USP4: variants seen among roughly 807,000 people sequenced by gnomAD.
USP4 encodes the protein ubiquitin carboxyl-terminal hydrolase 4.
USP4 carries 72 observed loss-of-function variants against 118.2 expected under a neutral mutation model. The observed-to-expected ratio is 0.61, with a 90% confidence interval of 0.50 to 0.74. The LOEUF is 0.74. Ranked by LOEUF, USP4 falls within the 30% of genes least tolerant of loss-of-function variation. The probability of loss-of-function intolerance (pLI) is 0.00; values close to 1 mark genes in which losing one functional copy is unlikely to be tolerated. For missense variants in USP4, 1,037 were observed against 1,185.7 expected (o/e 0.87, Z 1.84); for synonymous variants, 415 against 440.4 (o/e 0.94, Z 0.72).
At chr3:49,339,753 G>A (rs1265522321) in intron 1 of USP4, among the ~76,000 whole-genome samples, 171 bp downstream of exon 1, 2 of 152,120 alleles carry the variant, frequency 1.3e-5, no homozygotes, top group Non-Finnish European at 2.9e-5. Flanking sequence ...CCCCGCCTGC[G>A]CTTTCCCAGA....
intron 20 of USP4, among the ~76,000 whole-genome samples, chr3:49,280,516 C>T (rs72940877): frequency 0.031 from 4,651 of 148,008 alleles, 237 homozygotes; most frequent in African/African-American, 0.11. Flanking sequence ...AGTGAGATTG[C>T]GCCACTGTGT....
chr3:49,313,035 C>T (rs1000557358), intron 6 of USP4, among the ~76,000 whole-genome samples: 15 of 151,032 alleles, frequency 9.9e-5, no homozygotes, highest in Admixed American at 5.3e-4. Context: ...GGACTACAGG[C>T]GCGTGCCACC....
At chr3:49,316,741 G>T in intron 6 of USP4, 1 of 366,074 alleles carries the variant, frequency 2.7e-6, no homozygotes. Flanking sequence ...GAGAACCCCT[G>T]CCCCCTGCCC....
intron 1 of USP4, among the ~76,000 whole-genome samples, chr3:49,337,609 T>A (rs1252688281): frequency 1.3e-5 from 2 of 151,954 alleles, no homozygotes; most frequent in African/African-American, 4.8e-5. Context: ...ATTTTTTTAT[T>A]TTTATTTTGT....
intron 10 of USP4, among the ~76,000 whole-genome samples, chr3:49,301,452 C>G (rs554710852): frequency 9.9e-5 from 15 of 152,204 alleles, no homozygotes; most frequent in African/African-American, 3.6e-4. Flanking sequence ...CTTTGGGAGG[C>G]CGAAGCAGGC....
chr3:49,286,728 A>G (rs2047093976), intron 15 of USP4, among the ~76,000 whole-genome samples: 1 of 151,986 alleles, frequency 6.6e-6, no homozygotes, highest in African/African-American at 2.4e-5. Flanking sequence ...GGTAAGAAAC[A>G]CTATCTATCT....
Position 49,302,454 on chromosome 3 carries a change from T to C in USP4, c.1217A>G (p.His406Arg), listed in dbSNP as rs924938161. 32 of 1,614,092 alleles carry C rather than the reference T, an allele frequency of 2.0e-5. No individual in the cohort carries two copies. The highest frequency in any genetic ancestry group is 2.5e-5 in the Non-Finnish European group (30 of 1,180,048). Residue 406 changes from histidine (H) to arginine (R), a missense_variant, in exon 10 of 22, where the codon CAT becomes CGT. Physicochemically the swap from His to Arg is conservative, Grantham distance 29. Transcript: ENST00000265560. The stretch of plus-strand genomic sequence containing the variant: ...TTTCTTTACCCGGTTCAGATCTTCA[T>C]GCAATCCATCTAGAAGAAAGGCCAG... ...ELLAFLLDGL[H>R]EDLNRVKKKP... is the part of the protein sequence containing the mutation.
rs368553985 is a variant in USP4 at position 49,277,187 on chromosome 3, C to T, written c.*1106G>A. On this transcript the variant is annotated 3_prime_UTR_variant, in exon 22 of 22. Transcript: ENST00000265560. Reference sequence around the variant, plus strand: ...CGGCAGCCACGTCCTTGTCCTCACCCGCAGCGCAGTGACGCCGACCCATCC... The same window carrying T: ...CGGCAGCCACGTCCTTGTCCTCACCTGCAGCGCAGTGACGCCGACCCATCC... The T allele has an allele frequency of 5.3e-5, 72 of 1,369,262 alleles. 1 individual carries two copies. In the East Asian group the frequency reaches 1.4e-3, roughly 28 times the overall value. 84.8% of individuals were successfully genotyped at this position (1,369,262 alleles called of 1,614,324 possible). A position where few individuals can be genotyped will look rare whatever the true frequency, so the allele number is the denominator to read the frequency against.
intron 11 of USP4, 86 bp downstream of exon 11, chr3:49,300,381 A>G: frequency 7.9e-7 from 1 of 1,264,964 alleles, no homozygotes; most frequent in Non-Finnish European, 1.1e-6. Context: ...ACTCAGAGGC[A>G]GCCAATGCAG....
chr3:49,330,276 T>TC (rs2107802719), intron 2 of USP4, among the ~76,000 whole-genome samples: 1 of 152,170 alleles, frequency 6.6e-6, no homozygotes, highest in Admixed American at 6.5e-5. Context: ...AACATTAATC[T>TC]CCTCATGCAT....
intron 6 of USP4, 152 bp from the exon 7 acceptor site, chr3:49,311,806 C>T: frequency 7.4e-7 from 1 of 1,357,726 alleles, no homozygotes; most frequent in South Asian, 1.5e-5. Context: ...TCAAGGTAAA[C>T]TTTATTTAAG....
intron 11 of USP4, among the ~76,000 whole-genome samples, chr3:49,299,487 G>A (rs2107778618): frequency 6.6e-6 from 1 of 151,936 alleles, no homozygotes; most frequent in South Asian, 2.1e-4. Context: ...CCGCCTCCCG[G>A]GTTCACGCCA....
intron 6 of USP4, among the ~76,000 whole-genome samples, chr3:49,314,734 G>A (rs2047418592): frequency 6.6e-6 from 1 of 152,070 alleles, no homozygotes; most frequent in Non-Finnish European, 1.5e-5. Context: ...GCTTAAAAGG[G>A]CAAAAATCGG....
rs773953900 is a variant in USP4, at chr3:49,294,573, C to T, written c.1717G>A (p.Asp573Asn). ...FVYEVCSTSVDGSECVTLPVY... is the reference protein window; with the variant it reads ...FVYEVCSTSVNGSECVTLPVY... Reference sequence around the variant, plus strand: ...GGAAGCGTGACACATTCCGAGCCATCCACGGAAGTGCTGCAGACCTCGTAC... The same window carrying T: ...GGAAGCGTGACACATTCCGAGCCATTCACGGAAGTGCTGCAGACCTCGTAC... Residue 573 changes from aspartate to asparagine, a missense_variant, in exon 14 of 22, where the codon GAT (aspartate) becomes AAT (asparagine). By Grantham distance (23) the Asp-to-Asn change is conservative (BLOSUM62 1). Coordinates refer to ENST00000265560, the MANE Select transcript of USP4 (RefSeq NM_003363.4). 2 of 1,614,032 alleles carry T rather than the reference C, an allele frequency of 1.2e-6. No homozygotes were observed. The highest frequency in any genetic ancestry group is 3.3e-5 in the Admixed American group (2 of 59,986).
intron 7 of USP4, 51 bp from the exon 8 acceptor site, chr3:49,310,788 C>T: frequency 7.0e-7 from 1 of 1,431,682 alleles, no homozygotes; most frequent in Non-Finnish European, 9.8e-7. Context: ...TAACACATGC[C>T]CTCAAGATGC....
At chr3:49,332,801 G>A (rs927920492) in intron 2 of USP4, among the ~76,000 whole-genome samples, 4 of 152,074 alleles carry the variant, frequency 2.6e-5, no homozygotes, top group Admixed American at 6.6e-5. Flanking sequence ...ACGTCAAGGC[G>A]GGAGGATTGC....
intron 11 of USP4, 22 bp downstream of exon 11, chr3:49,300,445 A>G (rs751488987): frequency 1.2e-6 from 2 of 1,609,004 alleles, no homozygotes; most frequent in East Asian, 2.2e-5. Context: ...GAGGGGTGCC[A>G]TAAGGGTGTG....
intron 4 of USP4, 43 bp from the exon 5 acceptor site, chr3:49,325,082 C>T (rs2047538532): frequency 6.3e-7 from 1 of 1,598,786 alleles, no homozygotes; most frequent in African/African-American, 1.3e-5. Context: ...TGTCCACATG[C>T]AAGGCTAAAG....
chr3:49,293,124 T>C (rs927593755), intron 14 of USP4, among the ~76,000 whole-genome samples: 2 of 152,056 alleles, frequency 1.3e-5, no homozygotes, highest in African/African-American at 4.8e-5. Flanking sequence ...ACACCTGTAA[T>C]GCCGGCACTT....
Sources: allele counts gnomAD v4.1 joint callset (sites outside exome capture counted in the v4.1 genomes callset), GRCh38; gene constraint gnomAD v4.1.1; transcripts MANE v1.5; gene names NCBI Gene and HGNC (gene_info 2026-07-23, HGNC 2026-07-21).